The following PTPN4 variants were observed in gnomAD, a reference collection of about 807,000 sequenced individuals.
PTPN4 encodes protein tyrosine phosphatase non-receptor type 4.
In PTPN4, 49 loss-of-function variants were observed where a neutral mutation model predicts 135.5. The ratio of observed to expected loss-of-function variants is 0.36; its 90% confidence interval spans 0.29 to 0.46. PTPN4 has a LOEUF of 0.46. Among genes scored for constraint, PTPN4 ranks in the 20% least tolerant of loss-of-function variants. The pLI, the probability that PTPN4 is intolerant of heterozygous loss-of-function variation, is 1.00. For synonymous variants in PTPN4, 333 were observed against 369.9 expected (o/e 0.90, Z 1.14); for missense variants, 860 against 1,101.0 (o/e 0.78, Z 3.10).
chr2:119,917,689 A>G (rs575441651), intron 11 of PTPN4, among the ~76,000 whole-genome samples: 13 of 152,216 alleles, frequency 8.5e-5, no homozygotes, highest in Non-Finnish European at 1.6e-4. Context: ...ATATCGCACC[A>G]CTGTACTCCA....
intron 2 of PTPN4, among the ~76,000 whole-genome samples, chr2:119,829,222 G>A (rs908359659): frequency 2.0e-5 from 3 of 151,770 alleles, no homozygotes; most frequent in Admixed American, 1.3e-4. Flanking sequence ...TTTTTTGAAC[G>A]GTTTAATTGA....
chr2:119,803,196 T>G (rs187863888), intron 1 of PTPN4, among the ~76,000 whole-genome samples: 52 of 152,292 alleles, frequency 3.4e-4, no homozygotes, highest in African/African-American at 1.3e-3. Flanking sequence ...TTTATGTTCT[T>G]TGTTATTTCC....
At chr2:119,769,444 G>A (rs1690696000) in intron 1 of PTPN4, among the ~76,000 whole-genome samples, 1 of 152,342 alleles carries the variant, frequency 6.6e-6, no homozygotes, top group Admixed American at 6.5e-5. Context: ...AAGGGGGAGT[G>A]GGGAGCCAGG....
chr2:119,765,996 G>GTTT (rs1175589496), intron 1 of PTPN4, among the ~76,000 whole-genome samples: 2 of 151,612 alleles, frequency 1.3e-5, no homozygotes, highest in East Asian at 3.9e-4. Flanking sequence ...CTTGTGTTTG[G>GTTT]GCAATGAGTG....
intron 12 of PTPN4, among the ~76,000 whole-genome samples, chr2:119,925,049 T>A (rs1459850917): frequency 6.6e-5 from 10 of 152,116 alleles, no homozygotes; most frequent in African/African-American, 2.4e-4. Context: ...TAGAGCTCTG[T>A]TTCCCTGACT....
chr2:119,956,961 T>G, intron 21 of PTPN4, 27 bp downstream of exon 21: 13 of 1,603,134 alleles, frequency 8.1e-6, no homozygotes, highest in Non-Finnish European at 1.1e-5. Flanking sequence ...CTCTGTTAAA[T>G]TTAATCTTTT....
chr2:119,777,074 C>G (rs1053556132), intron 1 of PTPN4, among the ~76,000 whole-genome samples: 2 of 152,230 alleles, frequency 1.3e-5, no homozygotes, highest in Non-Finnish European at 2.9e-5. Flanking sequence ...CCTACATGGT[C>G]TGTGGACCTG....
intron 3 of PTPN4, among the ~76,000 whole-genome samples, chr2:119,876,620 C>A (rs998136144): frequency 4.6e-5 from 7 of 151,756 alleles, no homozygotes; most frequent in Middle Eastern, 3.2e-3. Flanking sequence ...TTAATTGAAA[C>A]ATGTTAGCAG....
At chr2:119,902,509 C>T (rs1289975262) in intron 10 of PTPN4, among the ~76,000 whole-genome samples, 1 of 152,180 alleles carries the variant, frequency 6.6e-6, no homozygotes, top group Non-Finnish European at 1.5e-5. Flanking sequence ...GAGGGGACTT[C>T]AAGATGGCTG....
chr2:119,774,014 A>G (rs1468276495), intron 1 of PTPN4, among the ~76,000 whole-genome samples: 1 of 152,198 alleles, frequency 6.6e-6, no homozygotes, highest in Non-Finnish European at 1.5e-5. Context: ...CTCTATTTCT[A>G]GTGAGTTCAG....
At chr2:119,806,625 A>G (rs552383462) in intron 1 of PTPN4, among the ~76,000 whole-genome samples, 6 of 152,270 alleles carry the variant, frequency 3.9e-5, no homozygotes, top group African/African-American at 1.2e-4. Context: ...CACAATAATA[A>G]TGGAAGACTT....
intron 10 of PTPN4, among the ~76,000 whole-genome samples, chr2:119,901,971 G>A (rs1460808588): frequency 6.6e-6 from 1 of 152,278 alleles, no homozygotes; most frequent in East Asian, 1.9e-4. Flanking sequence ...TTTAAGATAT[G>A]TGATGGGAAT....
chr2:119,858,373 T>A (rs2104985060), intron 2 of PTPN4, among the ~76,000 whole-genome samples: 1 of 152,352 alleles, frequency 6.6e-6, no homozygotes, highest in African/African-American at 2.4e-5. Context: ...TTTTTAGTAT[T>A]TTGATTATGA....
Position 119,983,850 on chromosome 2 carries a change from C to G in PTPN4, c.*6780C>G, listed in dbSNP as rs1160649938. Reference sequence around the variant, plus strand: ...GTTCTCACAGCTAGTTTCATCTAAGCTTGGTTTATTATCATTTCTGCTTTG... The same window carrying G: ...GTTCTCACAGCTAGTTTCATCTAAGGTTGGTTTATTATCATTTCTGCTTTG... On this transcript the variant is annotated 3_prime_UTR_variant, in exon 27 of 27. Coordinates refer to ENST00000263708, the MANE Select transcript of PTPN4 (RefSeq NM_002830.4). The G allele has an allele frequency of 6.6e-6, 1 of 152,154 alleles. No individual in the cohort carries two copies. The highest frequency in any genetic ancestry group is 1.9e-4 in the East Asian group (1 of 5,202). The allele number at this position is 152,154 out of a possible 1,614,324, so 9.4% of individuals were successfully genotyped here. A position where few individuals can be genotyped will look rare whatever the true frequency, so the allele number is the denominator to read the frequency against.
chr2:119,808,385 G>A (rs191884012), intron 1 of PTPN4, among the ~76,000 whole-genome samples: 15 of 152,190 alleles, frequency 9.9e-5, no homozygotes, highest in Admixed American at 4.6e-4. Flanking sequence ...AAAGTCCCAG[G>A]ATACAAAATC....
intron 2 of PTPN4, among the ~76,000 whole-genome samples, chr2:119,841,671 C>T (rs1166914186): frequency 1.3e-5 from 2 of 151,830 alleles, no homozygotes; most frequent in East Asian, 1.9e-4. Context: ...TGTAGATTTA[C>T]ACAATTTATG....
intron 19 of PTPN4, among the ~76,000 whole-genome samples, chr2:119,954,477 T>C (rs1679251753): frequency 6.6e-6 from 1 of 152,240 alleles, no homozygotes; most frequent in Non-Finnish European, 1.5e-5. Context: ...ACATGGTGTG[T>C]GTATCCTAGC....
At chr2:119,843,219 T>C (rs1165816323) in intron 2 of PTPN4, among the ~76,000 whole-genome samples, 2 of 61,850 alleles carry the variant, frequency 3.2e-5, no homozygotes, top group African/African-American at 1.0e-4. Context: ...TGCATTTTTC[T>C]TTTTTTTTTT....
intron 26 of PTPN4, among the ~76,000 whole-genome samples, chr2:119,975,408 G>T (rs1331023715): frequency 6.6e-6 from 1 of 152,136 alleles, no homozygotes; most frequent in Non-Finnish European, 1.5e-5. Flanking sequence ...GAGCCACCAT[G>T]GCCAGCCAAA....
Sources: gnomAD v4.1 joint callset for allele counts (sites outside exome capture counted in the v4.1 genomes callset) on GRCh38, gnomAD v4.1.1 for gene constraint, MANE v1.5 for transcripts, NCBI Gene and HGNC (gene_info 2026-07-23, HGNC 2026-07-21) for gene names.